Variants in BPTF observed in about 807,000 individuals in gnomAD.
BPTF encodes bromodomain PHD finger transcription factor.
In BPTF, 18 loss-of-function variants were observed where a neutral mutation model predicts 292.5. The ratio of observed to expected loss-of-function variants is 0.06; its 90% CI spans 0.04 to 0.09. The LOEUF is 0.09. Ranked by LOEUF, BPTF falls within the 10% of genes least tolerant of loss-of-function variation. The pLI, the probability that BPTF is intolerant of heterozygous loss-of-function variation, is 1.00. For synonymous variants in BPTF, 1,225 were observed against 1,251.9 expected, an observed-to-expected ratio of 0.98 and a Z score of 0.45; for missense variants, 2,726 against 3,498.7, an observed-to-expected ratio of 0.78 and a Z score of 5.57.
chr17:67,977,530 AG>A lies in BPTF; in HGVS notation c.8726+1573del, dbSNP rs2069655224. Among the ~76,000 whole-genome samples, 3 of 150,174 alleles carry A rather than the reference AG, an allele frequency of 2.0e-5. No individual in the cohort carries two copies. In the South Asian group the frequency reaches 6.3e-4, roughly 32 times the overall value. On this transcript the variant is annotated intron_variant, in intron 27 of 27. Coordinates refer to ENST00000306378, the MANE Select transcript of BPTF (RefSeq NM_182641.4). ...ACTCCATCTCAGAAGAAAAAAAAAA[AG>A]TGTGCTGTCAAAAATAAGGAAACAA...
At chr17:67,968,710 C>T (rs2068409578) in intron 26 of BPTF, among the ~76,000 whole-genome samples, 1 of 150,944 alleles carries the variant, frequency 6.6e-6, no homozygotes, top group Non-Finnish European at 1.5e-5. Context: ...ATGACGTGAA[C>T]CCGGGAGGTG....
At chr17:67,851,916 G>A (rs1169761056) in intron 1 of BPTF, among the ~76,000 whole-genome samples, 1 of 133,874 alleles carries the variant, frequency 7.5e-6, no homozygotes, top group African/African-American at 3.1e-5. Context: ...TGAGATTGGG[G>A]TCCTTTTTTT....
chr17:67,835,139 G>A (rs369916418), intron 1 of BPTF, among the ~76,000 whole-genome samples: 5 of 152,046 alleles, frequency 3.3e-5, no homozygotes, highest in African/African-American at 1.2e-4. Flanking sequence ...GAGCCCAGGA[G>A]TTAGAGGCCC....
At position 67,854,041 on chromosome 17, in the gene BPTF, C is replaced by T. The variant is rs2058565972; in HGVS notation, c.715C>T (p.Pro239Ser). 3 of 1,614,014 alleles carry T rather than the reference C, an allele frequency of 1.9e-6. No individual in the cohort carries two copies. Among genetic ancestry groups the T allele is most frequent in the Admixed American group, 1.7e-5 (1 of 59,984 alleles). ...FPKSSEDLMV[P>S]NEHIMNVIAI... ...CAAGTCCTCTGAGGATTTAATGGTG[C>T]CTAATGAGCATATAATGAATGTCAT... Residue 239 changes from proline (P) to serine (S), a missense_variant, in exon 2 of 28, where the codon CCT becomes TCT. By Grantham distance (74) the Pro-to-Ser change is moderately conservative. This residue lies in a region of BPTF where 102 missense variants were observed against 212.6 expected (regional missense o/e 0.48). Transcript: ENST00000306378. This position sits in a 1 kb window ranked among gnomAD's most constrained non-coding sequence, Gnocchi z 5.6.
In BPTF at chr17:67,946,082, T is replaced by G. The variant is rs1555675181; in HGVS notation, c.7374T>G (p.Ala2458=). ...IQSQVVAQIQ[A]QQSGVPQQIK... is the part of the protein sequence containing the mutation. Reference sequence around the variant, plus strand: ...CACAGGTTGTGGCTCAGATACAGGCTCAGCAAAGTGGTGTGCCCCAGCAAA... The same window carrying G: ...CACAGGTTGTGGCTCAGATACAGGCGCAGCAAAGTGGTGTGCCCCAGCAAA... The change falls in exon 21 of 28, where the codon GCT becomes GCG. Residue 2458 remains alanine, a synonymous_variant. Transcript: ENST00000306378. 1.2e-6 allele frequency: 2 copies of G among 1,614,148 alleles called. No homozygotes were observed. Among genetic ancestry groups the G allele is most frequent in the South Asian group, 2.2e-5 (2 of 91,078 alleles).
intron 1 of BPTF, among the ~76,000 whole-genome samples, chr17:67,830,381 C>T (rs903022035): frequency 6.6e-6 from 1 of 152,186 alleles, no homozygotes; most frequent in African/African-American, 2.4e-5. Flanking sequence ...CATTGGAGAT[C>T]AGTGGCAGAG....
At chr17:67,851,262 C>T (rs925567807) in intron 1 of BPTF, among the ~76,000 whole-genome samples, 1 of 144,016 alleles carries the variant, frequency 6.9e-6, no homozygotes, top group Non-Finnish European at 1.5e-5. Flanking sequence ...CTTGTTTTTG[C>T]GATTTTCTGC....
chr17:67,921,985 C>G (rs929780113), intron 13 of BPTF, among the ~76,000 whole-genome samples: 2 of 150,634 alleles, frequency 1.3e-5, no homozygotes, highest in Admixed American at 6.6e-5. Flanking sequence ...GAGCCGAGAT[C>G]ACACCACTGT....
chr17:67,888,025 C>G (rs1280782567), intron 4 of BPTF, among the ~76,000 whole-genome samples: 1 of 152,152 alleles, frequency 6.6e-6, no homozygotes, highest in Admixed American at 6.6e-5. Flanking sequence ...ATGCCTCCAG[C>G]AAAAGTTGGG....
intron 4 of BPTF, among the ~76,000 whole-genome samples, chr17:67,880,958 TAC>T (rs71993218): frequency 0.56 from 82,828 of 148,708 alleles, 27,815 homozygotes; most frequent in Non-Finnish European, 0.75. Context: ...TATATATATA[TAC>T]ACACACACAC....
chr17:67,837,028 C>T (rs545058233), intron 1 of BPTF, among the ~76,000 whole-genome samples: 2 of 152,274 alleles, frequency 1.3e-5, no homozygotes, highest in South Asian at 4.1e-4. Context: ...TGAATCTTCT[C>T]TGTGTCTCAG....
intron 2 of BPTF, among the ~76,000 whole-genome samples, chr17:67,857,374 A>C (rs1161481233): frequency 1.3e-5 from 2 of 150,542 alleles, no homozygotes; most frequent in Non-Finnish European, 3.0e-5. Flanking sequence ...GTTAGCCAGG[A>C]TGGTCTTGAT....
At chr17:67,856,989 G>A (rs1362063424) in intron 2 of BPTF, among the ~76,000 whole-genome samples, 2 of 151,952 alleles carry the variant, frequency 1.3e-5, no homozygotes, top group East Asian at 3.9e-4. Context: ...TTATCATTGC[G>A]TTTTGAGGAT....
At chr17:67,898,451 GTTTT>G (rs1174684496) in intron 7 of BPTF, among the ~76,000 whole-genome samples, 3 of 151,896 alleles carry the variant, frequency 2.0e-5, no homozygotes, top group Non-Finnish European at 4.4e-5. Flanking sequence ...AATTTATTGG[GTTTT>G]TTTATTTTTA....
At chr17:67,978,308 A>T (rs55829095) in intron 27 of BPTF, among the ~76,000 whole-genome samples, 139,446 of 144,450 alleles carry the variant, frequency 0.97, 67,328 homozygotes, top group Middle Eastern at 0.99. Context: ...ATATATATAT[A>T]TTTTTTTTGA....
At position 67,932,459 on chromosome 17, in the gene BPTF, G is replaced by T. The variant is rs2064483774; in HGVS notation, c.6259+440G>T. Among the ~76,000 whole-genome samples, 3 of 152,344 alleles carry T rather than the reference G, an allele frequency of 2.0e-5. No homozygotes were observed. The South Asian group carries it at 6.2e-4, about 32-fold the overall frequency. On this transcript the variant is annotated intron_variant, in intron 18 of 27. Transcript: ENST00000306378. The stretch of plus-strand genomic sequence containing the variant: ...TCTCCCCTGTAATCCCACTTTGGAA[G>T]GCCAAGACAGGAGTATCACTTGAGC...
intron 1 of BPTF, among the ~76,000 whole-genome samples, chr17:67,851,627 T>C (rs1036245304): frequency 2.6e-5 from 4 of 152,204 alleles, no homozygotes; most frequent in African/African-American, 4.8e-5. Flanking sequence ...CAGGGGTATG[T>C]GTACTGGATA....
intron 1 of BPTF, among the ~76,000 whole-genome samples, chr17:67,843,165 T>C (rs1173307432): frequency 1.3e-5 from 2 of 148,512 alleles, no homozygotes; most frequent in Non-Finnish European, 3.0e-5. Flanking sequence ...TATCTACATA[T>C]ATAGATACAT....
chr17:67,939,848 C>G (rs2065227295), intron 18 of BPTF, among the ~76,000 whole-genome samples: 1 of 152,234 alleles, frequency 6.6e-6, no homozygotes, highest in Non-Finnish European at 1.5e-5. Context: ...CCACCGCACT[C>G]CAGCCTGGGC....
Sources: allele counts gnomAD v4.1 joint callset (sites outside exome capture counted in the v4.1 genomes callset), GRCh38; gene constraint gnomAD v4.1.1; regional missense constraint gnomAD v4.1.1; non-coding constraint Gnocchi (gnomAD v3.1); transcripts MANE v1.5; gene names NCBI Gene and HGNC (gene_info 2026-07-23, HGNC 2026-07-21).